SCN3A: variants seen among roughly 807,000 people sequenced by gnomAD.
SCN3A encodes sodium voltage-gated channel alpha subunit 3, also known as sodium channel protein type 3 subunit alpha.
In SCN3A, 60 loss-of-function variants were observed where a neutral mutation model predicts 187.6. The observed-to-expected ratio is 0.32, with a 90% CI of 0.26 to 0.40. The LOEUF (loss-of-function observed/expected upper bound fraction) is 0.40. SCN3A is among the 10% of genes least tolerant of loss of function. The probability of loss-of-function intolerance (pLI) is 1.00; values close to 1 mark genes in which losing one functional copy is unlikely to be tolerated. For missense variants in SCN3A, 1,601 were observed against 2,428.2 expected (o/e 0.66, Z 7.16); for synonymous variants, 788 against 829.2 (o/e 0.95, Z 0.85).
At position 165,113,461 on chromosome 2, in the gene SCN3A, G is replaced by GA. The variant is rs199630895; in HGVS notation, c.3669+354dup. Among the ~76,000 whole-genome samples, 161 of 150,658 alleles carry GA rather than the reference G, an allele frequency of 1.1e-3. 1 individual carries two copies. Among genetic ancestry groups the GA allele is most frequent in the African/African-American group, 3.7e-3 (154 of 41,108 alleles). ...TTGAGAGAATAAGTTGATTATACAT[G>GA]AAAAAAAAACCTAAAATACACTTTT... On this transcript the variant is annotated intron_variant, in intron 20 of 27. Transcript: ENST00000283254.
chr2:165,130,040 C>T lies in SCN3A; in HGVS notation c.2822G>A (p.Cys941Tyr). 6.2e-7 allele frequency: 1 copy of T among 1,614,050 alleles called. No homozygotes were observed. Among genetic ancestry groups the T allele is most frequent in the Non-Finnish European group, 8.5e-7 (1 of 1,180,040 alleles). Residue 941 changes from cysteine to tyrosine, a missense_variant, in exon 17 of 28, where the codon TGT (cysteine) becomes TAT (tyrosine). Physicochemically the swap from Cys to Tyr is radical, Grantham distance 194 (BLOSUM62 -2). This residue lies in a region of SCN3A where 91 missense variants were observed against 207.0 expected (regional missense o/e 0.44). Transcript: ENST00000283254. ...HSFLIVFRVL[C>Y]GEWIETMWDC... ...CCACATGGTCTCTATCCACTCTCCA[C>T]ACAGCACGCGGAACACAATCAGGAA...
intron 6 of SCN3A, 57 bp from the exon 7 acceptor site, chr2:165,163,766 T>C (rs771272208): frequency 1.9e-6 from 3 of 1,613,356 alleles, no homozygotes; most frequent in Non-Finnish European, 2.5e-6. Context: ...GTTGGAGATA[T>C]AAGGGGCCTA....
At chr2:165,198,441 C>A (rs1321042814) in intron 1 of SCN3A, among the ~76,000 whole-genome samples, 1 of 151,970 alleles carries the variant, frequency 6.6e-6, no homozygotes, top group African/African-American at 2.4e-5. Flanking sequence ...GAAAAAGAAA[C>A]CTTGCAATTC....
chr2:165,151,248 T>G (rs1363558698), intron 11 of SCN3A, among the ~76,000 whole-genome samples: 1 of 152,212 alleles, frequency 6.6e-6, no homozygotes, highest in East Asian at 1.9e-4. Flanking sequence ...AAGGACCTAA[T>G]GCTATTTGTT....
At chr2:165,184,714 T>A (rs1691117780) in intron 2 of SCN3A, among the ~76,000 whole-genome samples, 1 of 152,116 alleles carries the variant, frequency 6.6e-6, no homozygotes. Flanking sequence ...AATGAATTAA[T>A]AACAAACATA....
chr2:165,130,799 T>C (rs1480518607), intron 16 of SCN3A, among the ~76,000 whole-genome samples: 3 of 152,176 alleles, frequency 2.0e-5, no homozygotes, highest in Non-Finnish European at 4.4e-5. Flanking sequence ...CAATAAAATT[T>C]TGTGATAATT....
Position 165,093,522 on chromosome 2 carries a change from T to C in SCN3A, c.4536+852A>G, listed in dbSNP as rs568193701. 2.4e-4 allele frequency: 36 copies of C among 152,316 alleles called. No individual in the cohort carries two copies. The East Asian group carries it at 6.6e-3, about 28-fold the overall frequency. 9.4% of individuals were successfully genotyped at this position (152,316 alleles called of 1,614,324 possible). A position where few individuals can be genotyped will look rare whatever the true frequency, so the allele number is the denominator to read the frequency against. On this transcript the variant is annotated intron_variant, in intron 26 of 27. Coordinates refer to ENST00000283254, the MANE Select transcript of SCN3A (RefSeq NM_006922.4). ...TAAATACAGTTTTATTAAAGAAATA[T>C]ATTATTAATCATTTAGAGTAAAAAC...
At chr2:165,168,919 G>T (rs1031142544) in intron 4 of SCN3A, 94 bp from the exon 5 acceptor site, 1 of 800,174 alleles carries the variant, frequency 1.2e-6, no homozygotes, top group Non-Finnish European at 2.1e-6. Context: ...TGCAAAAACT[G>T]TGAAATTAAT....
intron 22 of SCN3A, among the ~76,000 whole-genome samples, chr2:165,098,090 A>G (rs2105651605): frequency 6.6e-6 from 1 of 152,294 alleles, no homozygotes; most frequent in East Asian, 1.9e-4. Flanking sequence ...TAGGGGAAAA[A>G]GTGGAATTTA....
intron 21 of SCN3A, among the ~76,000 whole-genome samples, chr2:165,106,199 A>C (rs1446815835): frequency 6.6e-6 from 1 of 152,182 alleles, no homozygotes; most frequent in African/African-American, 2.4e-5. Context: ...TAAACATTCC[A>C]AACACTATGT....
At position 165,162,361 on chromosome 2, in the gene SCN3A, A is replaced by G; in HGVS notation, c.978T>C (p.Tyr326=). Residue 326 remains tyrosine (Y), a synonymous_variant, in exon 9 of 28, where the codon TAT becomes TAC. Coordinates refer to ENST00000283254, the MANE Select transcript of SCN3A (RefSeq NM_006922.4). ...KDYIGDDSHF[Y]VLDGQKDPLL... is the part of the protein sequence containing the mutation. ...AAGGGTCTTTTTGCCCATCCAAAAC[A>G]TAAAAGTGACCTGTTAATACAAAAA... 5 of 1,613,758 alleles carry G rather than the reference A, an allele frequency of 3.1e-6. No homozygotes were observed. Among genetic ancestry groups the G allele is most frequent in the South Asian group, 1.1e-5 (1 of 91,036 alleles).
At chr2:165,200,159 C>T (rs138081506) in intron 1 of SCN3A, among the ~76,000 whole-genome samples, 184 of 151,978 alleles carry the variant, frequency 1.2e-3, no homozygotes, top group African/African-American at 4.3e-3. Context: ...TAAAATTAAT[C>T]GAAAATTTAA....
intron 22 of SCN3A, among the ~76,000 whole-genome samples, chr2:165,099,761 C>T (rs1685520615): frequency 6.6e-6 from 1 of 152,014 alleles, no homozygotes; most frequent in Admixed American, 6.6e-5. Context: ...CTGGAGGTTG[C>T]CTGAAATGCT....
intron 10 of SCN3A, 145 bp from the exon 11 acceptor site, chr2:165,154,803 T>G (rs1486299657): frequency 5.5e-6 from 4 of 731,522 alleles, no homozygotes; most frequent in African/African-American, 3.5e-5. Flanking sequence ...GGTATTGATA[T>G]GCTCAACACA....
intron 9 of SCN3A, among the ~76,000 whole-genome samples, chr2:165,160,650 T>G (rs1430924012): frequency 6.6e-6 from 1 of 151,992 alleles, no homozygotes; most frequent in African/African-American, 2.4e-5. Flanking sequence ...ATTAAAAAAA[T>G]TTTTTGGGGG....
intron 21 of SCN3A, among the ~76,000 whole-genome samples, chr2:165,105,515 A>G (rs1365360263): frequency 6.6e-6 from 1 of 152,154 alleles, no homozygotes. Context: ...AAAAGGGCTC[A>G]GGTAGTGGTG....
At chr2:165,125,421 A>G (rs1186627334) in intron 18 of SCN3A, among the ~76,000 whole-genome samples, 2 of 151,952 alleles carry the variant, frequency 1.3e-5, no homozygotes, top group African/African-American at 2.4e-5. Context: ...CTCCCGCCTC[A>G]GCCTCCCGAG....
chr2:165,158,178 G>A (rs1229410916), intron 9 of SCN3A, among the ~76,000 whole-genome samples: 3 of 140,634 alleles, frequency 2.1e-5, no homozygotes, highest in African/African-American at 5.7e-5. Context: ...TGGTACACAT[G>A]CACAGTGGTT....
At position 165,094,177 on chromosome 2, in the gene SCN3A, G is replaced by A. The variant is rs116329194; in HGVS notation, c.4536+197C>T. ...AAGTTTTCAACTCACAAATTATAAA[G>A]AACATTACCTCCTTTTTTTGGAATG... On this transcript the variant is annotated intron_variant, in intron 26 of 27. Transcript: ENST00000283254. 2.3e-3 allele frequency: 1,450 copies of A among 619,348 alleles called. 10 individuals carry two copies. The highest frequency in any genetic ancestry group is 0.023 in the African/African-American group (1,274 of 54,592). The allele number at this position is 619,348 out of a possible 1,614,324, so 38.4% of individuals were successfully genotyped here. A position where few individuals can be genotyped will look rare whatever the true frequency, so the allele number is the denominator to read the frequency against.
Sources: allele counts gnomAD v4.1 joint callset (sites outside exome capture counted in the v4.1 genomes callset), GRCh38; gene constraint gnomAD v4.1.1; regional missense constraint gnomAD v4.1.1; transcripts MANE v1.5; gene names NCBI Gene and HGNC (gene_info 2026-07-23, HGNC 2026-07-21).